The following CUZD1 variants were observed in gnomAD, a reference collection of about 807,000 sequenced individuals.
CUZD1 encodes the protein CUB and zona pellucida like domains 1.
In CUZD1, 42 loss-of-function variants were observed where a neutral mutation model predicts 53.1. That is an observed-to-expected ratio of 0.79 (90% CI 0.62 to 1.02). CUZD1 has a LOEUF of 1.02. Ranked by LOEUF, CUZD1 falls within the 50% of genes least tolerant of loss-of-function variation. CUZD1 has a pLI of 0.00. For synonymous variants in CUZD1, 238 were observed against 257.2 expected (o/e 0.93, Z 0.71); for missense variants, 670 against 715.7 (o/e 0.94, Z 0.73).
intron 8 of CUZD1, among the ~76,000 whole-genome samples, chr10:122,833,457 C>A (rs952430788): frequency 1.3e-5 from 2 of 152,196 alleles, no homozygotes; most frequent in South Asian, 2.1e-4. Flanking sequence ...TGAATAATGG[C>A]AAACTATCAG....
intron 3 of CUZD1, 36 bp from the exon 4 acceptor site, chr10:122,837,590 C>T: frequency 6.6e-7 from 1 of 1,520,966 alleles, no homozygotes. Context: ...GAATGAACAT[C>T]AAAATAGAGA....
rs1465269256 is a variant in CUZD1 at position 122,836,428 on chromosome 10, G to A, written c.818-78C>T. ...TGTTGGATCTTGAAGAGCTACGTGT[G>A]CAAGTAAATATATAAAAAGTCAAAA... On this transcript the variant is annotated intron_variant, in intron 5 of 8. Transcript: ENST00000392790. 12 of 1,238,984 alleles carry A rather than the reference G, an allele frequency of 9.7e-6. No individual in the cohort carries two copies. The African/African-American group carries it at 1.7e-4, about 18-fold the overall frequency. The allele number at this position is 1,238,984 out of a possible 1,614,324, so 76.7% of individuals were successfully genotyped here.
intron 1 of CUZD1, among the ~76,000 whole-genome samples, chr10:122,843,713 GAAAGT>G (rs1243273752): frequency 9.3e-5 from 14 of 151,172 alleles, no homozygotes; most frequent in Non-Finnish European, 5.9e-5. Context: ...TATAGAGACA[GAAAGT>G]AGAGTAGTGG....
At chr10:122,844,225 G>A (rs758533182) in intron 1 of CUZD1, among the ~76,000 whole-genome samples, 5 of 151,540 alleles carry the variant, frequency 3.3e-5, no homozygotes, top group South Asian at 4.2e-4. Context: ...TTGTAGAGTC[G>A]AGGTCTCACT....
At chr10:122,840,980 C>T (rs533368597) in intron 2 of CUZD1, among the ~76,000 whole-genome samples, 198 bp downstream of exon 2, 2 of 152,282 alleles carry the variant, frequency 1.3e-5, no homozygotes, top group South Asian at 2.1e-4. Context: ...TGAAGGACCT[C>T]TGTGAGCCAG....
Position 122,833,778 on chromosome 10 carries a change from A to G in CUZD1, c.1545T>C (p.Gly515=). Residue 515 remains glycine (G), a synonymous_variant, in exon 8 of 9, where the codon GGT becomes GGC. Transcript: ENST00000392790. ...TGTCTCGTTTGCTTCTGGAGACACAACCTTGATTGCAGCGAGACTGGTGGT... is the reference window on the plus strand; with the variant it reads ...TGTCTCGTTTGCTTCTGGAGACACAGCCTTGATTGCAGCGAGACTGGTGGT... ...SSDHQSRCNQ[G]CVSRSKRDIS... 1 of 1,614,050 alleles carries G rather than the reference A, an allele frequency of 6.2e-7. No individual in the cohort carries two copies. Among genetic ancestry groups the G allele is most frequent in the Non-Finnish European group, 8.5e-7 (1 of 1,179,980 alleles).
intron 1 of CUZD1, among the ~76,000 whole-genome samples, chr10:122,844,282 C>T (rs1417398216): frequency 1.3e-5 from 2 of 152,020 alleles, no homozygotes. Context: ...GCAATGCTCC[C>T]ATGTCAGCCC....
At position 122,834,818 on chromosome 10, in the gene CUZD1, CA is replaced by C. The variant is rs763512650; in HGVS notation, c.1269del (p.Phe423LeufsTer35). 2 of 1,613,790 alleles carry C rather than the reference CA, an allele frequency of 1.2e-6. No homozygotes were observed. Among genetic ancestry groups the C allele is most frequent in the African/African-American group, 2.7e-5 (2 of 75,002 alleles). On this transcript the variant is annotated frameshift_variant, in exon 7 of 9. Coordinates refer to ENST00000392790, the MANE Select transcript of CUZD1 (RefSeq NM_022034.6). LOFTEE classifies it high-confidence loss of function. ...PYYVDLNQTL[F>X]VQVSLHTSDP... ...TCTGAGGTGTGCAGACTAACTTGAA[CA>C]AAAAGAGTTTGGTTCAAATCCACAT...
In CUZD1 at chr10:122,833,859, C is replaced by G. The variant is rs1032836534; in HGVS notation, c.1464G>C (p.Leu488Phe). The change falls in exon 8 of 9, where the codon TTG becomes TTC. Residue 488 changes from leucine (L) to phenylalanine (F), a missense_variant. By Grantham distance (22) the Leu-to-Phe change is conservative. Coordinates refer to ENST00000392790, the MANE Select transcript of CUZD1 (RefSeq NM_022034.6). ...GRFQFNAFKF[L>F]RSMSSVYLQC... ...GCAGATACACAGAGCTCATACTTCT[C>G]AAGAATTTAAAGGCATTAAACTGGA... 2 of 1,613,896 alleles carry G rather than the reference C, an allele frequency of 1.2e-6. No homozygotes were observed. Among genetic ancestry groups the G allele is most frequent in the African/African-American group, 1.3e-5 (1 of 74,914 alleles).
At chr10:122,843,877 T>A (rs915396331) in intron 1 of CUZD1, among the ~76,000 whole-genome samples, 1 of 147,476 alleles carries the variant, frequency 6.8e-6, no homozygotes, top group South Asian at 2.1e-4. Context: ...CATTAGTCTA[T>A]ATATAATATA....
chr10:122,833,265 T>C (rs1847187671), intron 8 of CUZD1, among the ~76,000 whole-genome samples: 1 of 152,176 alleles, frequency 6.6e-6, no homozygotes, highest in African/African-American at 2.4e-5. Context: ...TTTTTTTTAA[T>C]AACTTTTTTT....
intron 1 of CUZD1, among the ~76,000 whole-genome samples, chr10:122,844,808 C>T (rs930890032): frequency 6.6e-6 from 1 of 152,134 alleles, no homozygotes; most frequent in South Asian, 2.1e-4. Context: ...AAGATTTTGA[C>T]TAATGGTCAA....
chr10:122,841,074 C>T (rs1231892678), intron 2 of CUZD1, 104 bp downstream of exon 2: 1 of 1,076,068 alleles, frequency 9.3e-7, no homozygotes, highest in Non-Finnish European at 1.4e-6. Context: ...GTGTCACTAC[C>T]ACCTCTAGCA....
chr10:122,839,448 T>C (rs1234530637), intron 2 of CUZD1, among the ~76,000 whole-genome samples: 29 of 152,222 alleles, frequency 1.9e-4, no homozygotes, highest in Non-Finnish European at 1.5e-5. Context: ...GCTTTGCCTA[T>C]GTCTTGTATC....
intron 1 of CUZD1, among the ~76,000 whole-genome samples, chr10:122,843,508 T>C (rs2901350): frequency 0.99 from 151,257 of 152,282 alleles, 75,130 homozygotes; most frequent in East Asian, 1. Flanking sequence ...GTACATGTTC[T>C]GTAACCAACC....
In CUZD1 at chr10:122,836,360, A is replaced by T; in HGVS notation, c.818-10T>A. 1.3e-5 allele frequency: 1 copy of T among 78,466 alleles called. No individual in the cohort carries two copies. The allele number at this position is 78,466 out of a possible 1,614,324, so 4.9% of individuals were successfully genotyped here. On this transcript the variant is annotated splice_polypyrimidine_tract_variant and intron_variant, in intron 5 of 8. Transcript: ENST00000392790. ...GAGCAAGTTAAAGATGCTGTCAGGA[A>T]AAAAAAAAAAAAAAGAATGGTCATG... is the stretch of plus-strand genomic sequence containing the variant.
Position 122,841,164 on chromosome 10 carries a change from A to T in CUZD1, c.233+14T>A, listed in dbSNP as rs1847339073. The T allele has an allele frequency of 1.2e-6, 2 of 1,606,558 alleles. No individual in the cohort carries two copies. The highest frequency in any genetic ancestry group is 4.5e-5 in the East Asian group (2 of 44,832). ...TTCGATATCCCTTATTAGGAAACTA[A>T]AGCTTCTACTTACTGGACATAGGAA... On this transcript the variant is annotated intron_variant, in intron 2 of 8. Transcript: ENST00000392790.
intron 8 of CUZD1, 71 bp downstream of exon 8, chr10:122,833,601 A>T (rs985415186): frequency 1.4e-6 from 2 of 1,476,924 alleles, no homozygotes; most frequent in African/African-American, 2.8e-5. Context: ...CATGCTTAAG[A>T]GTTACTGGAT....
chr10:122,832,986 A>G (rs970801140), intron 8 of CUZD1, among the ~76,000 whole-genome samples: 6 of 152,228 alleles, frequency 3.9e-5, no homozygotes, highest in African/African-American at 9.6e-5. Context: ...TTTGCCATAG[A>G]AATATTTTGC....
Sources: allele counts gnomAD v4.1 joint callset (sites outside exome capture counted in the v4.1 genomes callset), GRCh38; gene constraint gnomAD v4.1.1; transcripts MANE v1.5; gene names NCBI Gene and HGNC (gene_info 2026-07-23, HGNC 2026-07-21).